The following LCORL variants were observed in gnomAD, a reference collection of about 807,000 sequenced individuals.
The protein encoded by LCORL is ligand-dependent nuclear receptor corepressor-like protein.
In LCORL, 41 loss-of-function variants were observed where a neutral mutation model predicts 141.8. That is an observed-to-expected ratio of 0.29 (90% CI 0.23 to 0.38). The LOEUF (loss-of-function observed/expected upper bound fraction) is 0.38. Among genes scored for constraint, LCORL ranks in the 10% least tolerant of loss-of-function variants. The probability of loss-of-function intolerance (pLI) is 1.00; values close to 1 mark genes in which losing one functional copy is unlikely to be tolerated. For missense variants in LCORL, 1,759 were observed against 2,035.0 expected (o/e 0.86, Z 2.61); for synonymous variants, 618 against 694.1 (o/e 0.89, Z 1.72).
At chr4:17,950,294 C>T (rs1016119385) in intron 4 of LCORL, among the ~76,000 whole-genome samples, 4 of 152,210 alleles carry the variant, frequency 2.6e-5, no homozygotes, top group African/African-American at 9.6e-5. Flanking sequence ...AAATCTTAAA[C>T]AAGGCACTTC....
intron 6 of LCORL, chr4:17,880,392 A>ATT: frequency 1.2e-6 from 1 of 838,834 alleles, no homozygotes; most frequent in Non-Finnish European, 1.4e-6. Flanking sequence ...CTAAAATTGT[A>ATT]TTTTTTTTGT....
intron 5 of LCORL, 101 bp from the exon 6 acceptor site, chr4:17,886,262 A>G: frequency 2.8e-6 from 2 of 706,564 alleles, no homozygotes; most frequent in South Asian, 3.3e-5. Context: ...TAACACTAGT[A>G]TTTGATATGT....
intron 2 of LCORL, among the ~76,000 whole-genome samples, chr4:17,967,851 T>C (rs1438885076): frequency 1.3e-5 from 2 of 152,114 alleles, no homozygotes; most frequent in East Asian, 1.9e-4. Context: ...CATTACTTTT[T>C]TTTTCTTTTC....
chr4:17,896,512 C>T (rs971668746), intron 5 of LCORL, among the ~76,000 whole-genome samples: 1 of 152,128 alleles, frequency 6.6e-6, no homozygotes, highest in Non-Finnish European at 1.5e-5. Flanking sequence ...GAACTCCTGA[C>T]CTCAGGTGAT....
At chr4:17,980,250 G>A (rs1717719480) in intron 1 of LCORL, among the ~76,000 whole-genome samples, 1 of 152,208 alleles carries the variant, frequency 6.6e-6, no homozygotes, top group Non-Finnish European at 1.5e-5. Context: ...TCAGGGTACA[G>A]ATCTACTAGA....
intron 4 of LCORL, among the ~76,000 whole-genome samples, chr4:17,929,970 A>T (rs924948980): frequency 6.6e-6 from 1 of 152,192 alleles, no homozygotes; most frequent in East Asian, 1.9e-4. Flanking sequence ...TCTACAAAGA[A>T]GATGTTACTG....
chr4:17,874,694 A>C, exon 7 of LCORL: 1 of 1,233,902 alleles, frequency 8.1e-7, no homozygotes, highest in Non-Finnish European at 1.0e-6. Context: ...ATAAGGAATC[A>C]TTTGAAGCAG....
At chr4:17,929,897 C>A (rs1024749411) in intron 4 of LCORL, among the ~76,000 whole-genome samples, 8 of 152,060 alleles carry the variant, frequency 5.3e-5, no homozygotes, top group Admixed American at 1.3e-4. Context: ...TGAAGAACTC[C>A]TACAATTCAA....
At chr4:17,868,594 T>C (rs998291010) in intron 7 of LCORL, among the ~76,000 whole-genome samples, 4 of 152,172 alleles carry the variant, frequency 2.6e-5, no homozygotes, top group African/African-American at 2.4e-5. Context: ...ACTCCATTTT[T>C]AGGCCATTAC....
intron 4 of LCORL, among the ~76,000 whole-genome samples, chr4:17,919,428 C>T (rs1164792498): frequency 6.6e-6 from 1 of 151,938 alleles, no homozygotes; most frequent in Non-Finnish European, 1.5e-5. Flanking sequence ...CTAGAGAAAG[C>T]AAAACTATCA....
At chr4:17,876,414 C>A (rs1371299425) in exon 7 of LCORL, 1 of 1,230,662 alleles carries the variant, frequency 8.1e-7, no homozygotes, top group Non-Finnish European at 1.0e-6. Flanking sequence ...TGCTTTATAT[C>A]CTTCTGATAA....
At chr4:17,960,848 G>T (rs1452841865) in intron 4 of LCORL, among the ~76,000 whole-genome samples, 3 of 151,832 alleles carry the variant, frequency 2.0e-5, no homozygotes, top group African/African-American at 7.3e-5. Flanking sequence ...CAAAGGAAAA[G>T]ATTTTCAGTC....
At chr4:17,911,804 C>T (rs960917692) in intron 4 of LCORL, 24 of 454,156 alleles carry the variant, frequency 5.3e-5, no homozygotes, top group African/African-American at 4.5e-4. Context: ...AGCTCTGGTT[C>T]CCTGATCTCC....
rs757347258 is a variant in LCORL, at chr4:17,884,333, T to A, written c.776+1735A>T. On this transcript the variant is annotated intron_variant, in intron 6 of 7. Transcript: ENST00000635767. This position sits in a 1 kb window ranked among gnomAD's most constrained non-coding sequence, Gnocchi z 4.4. ...ATTTGAAGTTTCATATTGGAGGCTT[T>A]CATTTTTTTCTTTAAACTGAGTGAC... 3 of 1,547,300 alleles carry A rather than the reference T, an allele frequency of 1.9e-6. No individual in the cohort carries two copies. The highest frequency in any genetic ancestry group is 2.6e-6 in the Non-Finnish European group (3 of 1,145,578).
At chr4:17,843,979 A>C (rs148417654) in exon 8 of LCORL, 1 of 152,118 alleles carries the variant, frequency 6.6e-6, no homozygotes, top group East Asian at 1.9e-4. Flanking sequence ...CAGTGAAAAC[A>C]TTTTTGGTGA....
intron 4 of LCORL, among the ~76,000 whole-genome samples, chr4:17,945,806 T>C (rs1412025138): frequency 5.3e-5 from 8 of 151,660 alleles, no homozygotes; most frequent in African/African-American, 1.9e-4. Context: ...TGACAACGTA[T>C]ATGTTAAAAA....
At chr4:17,842,344 CAGG>C (rs753916566) in exon 8 of LCORL, 5 of 1,612,060 alleles carry the variant, frequency 3.1e-6, no homozygotes, top group African/African-American at 1.3e-5. Flanking sequence ...CTAGGACGAA[CAGG>C]AGGTGTCAGA....
At chr4:17,886,231 A>C in intron 5 of LCORL, 70 bp from the exon 6 acceptor site, 1 of 812,926 alleles carries the variant, frequency 1.2e-6, no homozygotes, top group Admixed American at 2.0e-5. Context: ...TTAATATTTC[A>C]TATTTTGTTG....
chr4:17,909,081 C>T lies in LCORL; in HGVS notation c.682+13G>A. 6.4e-7 allele frequency: 1 copy of T among 1,574,104 alleles called. No individual in the cohort carries two copies. Among genetic ancestry groups the T allele is most frequent in the Non-Finnish European group, 8.6e-7 (1 of 1,164,072 alleles). ...CATCAAATTATATATTAAATGCACA[C>T]AAAAAATCTTACCTTGCTGAGTATT... On this transcript the variant is annotated intron_variant, in intron 5 of 7. Coordinates refer to ENST00000635767, the Ensembl canonical transcript of LCORL.
Sources: gnomAD v4.1 joint callset for allele counts (sites outside exome capture counted in the v4.1 genomes callset) on GRCh38, gnomAD v4.1.1 for gene constraint, Gnocchi (gnomAD v3.1) non-coding constraint, MANE v1.5 for transcripts, NCBI Gene and HGNC (gene_info 2026-07-23, HGNC 2026-07-21) for gene names.